The following SPATS2 variants were observed in gnomAD, a reference collection of about 807,000 sequenced individuals.
SPATS2 encodes the protein spermatogenesis-associated serine-rich protein 2.
SPATS2 carries 38 observed loss-of-function variants against 63.7 expected under a neutral mutation model. The ratio of observed to expected loss-of-function variants is 0.60; its 90% confidence interval spans 0.46 to 0.78. The LOEUF (loss-of-function observed/expected upper bound fraction) is 0.78. Ranked by LOEUF, SPATS2 falls within the 30% of genes least tolerant of loss-of-function variation. The pLI, the probability that SPATS2 is intolerant of heterozygous loss-of-function variation, is 0.00. For missense variants in SPATS2, 588 were observed against 666.2 expected (o/e 0.88, Z 1.29); for synonymous variants, 207 against 232.9 (o/e 0.89, Z 1.01).
intron 2 of SPATS2, among the ~76,000 whole-genome samples, chr12:49,413,998 C>T (rs1204508728): frequency 6.6e-6 from 1 of 152,172 alleles, no homozygotes; most frequent in African/African-American, 2.4e-5. Context: ...AATGATCCTC[C>T]ATAGCTCTTG....
At chr12:49,483,774 A>G (rs193211877) in intron 3 of SPATS2, among the ~76,000 whole-genome samples, 26 of 152,316 alleles carry the variant, frequency 1.7e-4, no homozygotes, top group African/African-American at 5.8e-4. Flanking sequence ...TAATATTGTT[A>G]TCACCTGGGA....
intron 2 of SPATS2, among the ~76,000 whole-genome samples, chr12:49,457,020 AT>A (rs1183279849): frequency 1.3e-5 from 2 of 151,368 alleles, no homozygotes; most frequent in Non-Finnish European, 2.9e-5. Flanking sequence ...TGGATCCATA[AT>A]TTTTTTCCAG....
intron 2 of SPATS2, among the ~76,000 whole-genome samples, chr12:49,413,544 G>A (rs1240403555): frequency 6.6e-6 from 1 of 151,824 alleles, no homozygotes; most frequent in East Asian, 1.9e-4. Flanking sequence ...TATTCCAAGG[G>A]TACTTCAGTC....
chr12:49,385,390 G>GTGTGTGT (rs397797694), intron 2 of SPATS2, among the ~76,000 whole-genome samples: 5 of 151,036 alleles, frequency 3.3e-5, no homozygotes, highest in East Asian at 1.9e-4. Context: ...GTGTGTGTGT[G>GTGTGTGT]GCAGAGACAG....
intron 10 of SPATS2, among the ~76,000 whole-genome samples, chr12:49,517,655 G>A (rs1239519942): frequency 6.6e-6 from 1 of 152,006 alleles, no homozygotes; most frequent in Non-Finnish European, 1.5e-5. Context: ...GTATGCTTAT[G>A]GTCAAAAGAC....
chr12:49,391,552 A>G (rs1360594046), intron 2 of SPATS2, among the ~76,000 whole-genome samples: 1 of 150,648 alleles, frequency 6.6e-6, no homozygotes, highest in Non-Finnish European at 1.5e-5. Flanking sequence ...AGTATGTAGT[A>G]TGTATATTTT....
chr12:49,517,995 T>C (rs1170437766), intron 10 of SPATS2, among the ~76,000 whole-genome samples: 1 of 152,104 alleles, frequency 6.6e-6, no homozygotes, highest in East Asian at 1.9e-4. Context: ...GTTCACCACC[T>C]CCTCAATAGC....
chr12:49,495,085 C>A, intron 7 of SPATS2, 83 bp downstream of exon 7: 1 of 1,368,202 alleles, frequency 7.3e-7, no homozygotes, highest in Non-Finnish European at 9.6e-7. Context: ...TCAATTAAAT[C>A]TAGTTAGTCT....
intron 2 of SPATS2, among the ~76,000 whole-genome samples, chr12:49,456,458 A>G (rs1260481134): frequency 6.6e-6 from 1 of 152,244 alleles, no homozygotes; most frequent in Non-Finnish European, 1.5e-5. Flanking sequence ...ACATCAGAAC[A>G]GACAAGACTA....
chr12:49,395,456 A>T (rs1944492424), intron 2 of SPATS2, among the ~76,000 whole-genome samples: 1 of 147,364 alleles, frequency 6.8e-6, no homozygotes. Context: ...ACAGAATCTC[A>T]CTCTGTTGCC....
At chr12:49,390,053 T>G (rs568141979) in intron 2 of SPATS2, 1 of 1,027,588 alleles carries the variant, frequency 9.7e-7, no homozygotes, top group Non-Finnish European at 1.5e-6. Context: ...GTTAGAGAGA[T>G]CCTATAAATA....
intron 2 of SPATS2, among the ~76,000 whole-genome samples, chr12:49,455,062 G>T (rs1483398709): frequency 6.6e-6 from 1 of 151,820 alleles, no homozygotes; most frequent in Non-Finnish European, 1.5e-5. Context: ...ATAAACTAAA[G>T]GGTCTGCTCA....
chr12:49,482,205 T>C (rs1007409710), intron 3 of SPATS2, among the ~76,000 whole-genome samples: 1 of 151,872 alleles, frequency 6.6e-6, no homozygotes, highest in Non-Finnish European at 1.5e-5. Context: ...AAATGCAAAA[T>C]TGTCATTTGT....
At chr12:49,507,055 A>G (rs751140779) in intron 9 of SPATS2, among the ~76,000 whole-genome samples, 13 of 152,146 alleles carry the variant, frequency 8.5e-5, no homozygotes, top group Non-Finnish European at 1.6e-4. Context: ...AGTATTTTCT[A>G]AGTTCAATAA....
At chr12:49,385,357 A>AGTGTGTGTGTGTGTGT (rs57896651) in intron 2 of SPATS2, among the ~76,000 whole-genome samples, 130 of 142,082 alleles carry the variant, frequency 9.1e-4, no homozygotes, top group African/African-American at 2.2e-3. Flanking sequence ...TAAGTATATA[A>AGTGTGTGTGTGTGTGT]GTGTGTGTGT....
intron 9 of SPATS2, among the ~76,000 whole-genome samples, chr12:49,503,432 G>A (rs1420622407): frequency 2.0e-5 from 3 of 151,180 alleles, no homozygotes; most frequent in East Asian, 3.9e-4. Flanking sequence ...GGTGGATCAC[G>A]AGGTCAGGAG....
intron 3 of SPATS2, among the ~76,000 whole-genome samples, chr12:49,469,027 G>A (rs545169216): frequency 9.9e-5 from 15 of 152,098 alleles, no homozygotes; most frequent in Non-Finnish European, 1.9e-4. Context: ...GCTGAGGCAG[G>A]AGTATGTATC....
chr12:49,504,123 TAGAA>T (rs1346355279), intron 9 of SPATS2, among the ~76,000 whole-genome samples: 4 of 152,306 alleles, frequency 2.6e-5, no homozygotes, highest in East Asian at 3.9e-4. Context: ...TAATGTCACT[TAGAA>T]AGACATTTCT....
intron 2 of SPATS2, among the ~76,000 whole-genome samples, chr12:49,436,927 C>T (rs1432450877): frequency 1.5e-5 from 2 of 134,184 alleles, no homozygotes; most frequent in African/African-American, 5.7e-5. Context: ...CCCCACCTCC[C>T]TCCCGGATGG....
Sources: gnomAD v4.1 joint callset for allele counts (sites outside exome capture counted in the v4.1 genomes callset) on GRCh38, gnomAD v4.1.1 for gene constraint, MANE v1.5 for transcripts, NCBI Gene and HGNC (gene_info 2026-07-23, HGNC 2026-07-21) for gene names.